The following NUP98 variants were observed in gnomAD, a reference collection of about 807,000 sequenced individuals.
The protein encoded by NUP98 is nucleoporin 98 and 96 precursor.
A neutral mutation model predicts 191.9 loss-of-function variants in NUP98; 26 were observed. The observed-to-expected ratio is 0.14, with a 90% CI of 0.10 to 0.19. The LOEUF (loss-of-function observed/expected upper bound fraction) is 0.19. Ranked by LOEUF, NUP98 falls within the 10% of genes least tolerant of loss-of-function variation. The pLI is 1.00. For missense variants in NUP98, 1,941 were observed against 2,178.8 expected, an observed-to-expected ratio of 0.89 and a Z score of 2.17; for synonymous variants, 808 against 778.4, an observed-to-expected ratio of 1.04 and a Z score of -0.63.
At chr11:3,694,744 G>GA (rs746185283) in intron 26 of NUP98, among the ~76,000 whole-genome samples, 4,114 of 122,860 alleles carry the variant, frequency 0.033, 212 homozygotes, top group African/African-American at 0.11. Context: ...TGTCTCAAGA[G>GA]AAAAAAAAAA....
In NUP98 at chr11:3,678,282, G is replaced by A. The variant is rs1255434712; in HGVS notation, c.5073+1272C>T. 4.0e-5 allele frequency among the ~76,000 whole-genome samples: 5 copies of A among 125,554 alleles called. No individual in the cohort carries two copies. In the South Asian group the frequency reaches 6.8e-4, roughly 17 times the overall value. 82.4% of individuals were successfully genotyped at this position (125,554 alleles called of 152,430 possible). On this transcript the variant is annotated intron_variant, in intron 31 of 32. Coordinates refer to ENST00000324932, the MANE Select transcript of NUP98 (RefSeq NM_016320.5). ...CCCCACCCACCTTTTTCTTTCAGACGAGAGAGGTAGTTAACTTGCTCAAGA... is the reference window on the plus strand; with the variant it reads ...CCCCACCCACCTTTTTCTTTCAGACAAGAGAGGTAGTTAACTTGCTCAAGA...
At chr11:3,720,281 T>C (rs938578816) in intron 17 of NUP98, among the ~76,000 whole-genome samples, 5 of 152,208 alleles carry the variant, frequency 3.3e-5, no homozygotes, top group Admixed American at 6.5e-5. Context: ...GTGTTATACA[T>C]CTCTTGCCTA....
intron 14 of NUP98, 62 bp downstream of exon 14, chr11:3,731,329 A>G: frequency 1.0e-5 from 11 of 1,068,348 alleles, no homozygotes; most frequent in Non-Finnish European, 1.4e-5. Context: ...ATTGTATATT[A>G]TTTCATATTT....
At position 3,782,028 on chromosome 11, in the gene NUP98, T is replaced by C; in HGVS notation, c.76+14A>G. 1 of 1,601,784 alleles carries C rather than the reference T, an allele frequency of 6.2e-7. No individual in the cohort carries two copies. The highest frequency in any genetic ancestry group is 1.7e-5 in the Admixed American group (1 of 59,126). On this transcript the variant is annotated intron_variant, in intron 2 of 32. Transcript: ENST00000324932. Reference sequence around the variant, plus strand: ...TTAAGGTTTCTCCCTCTTTTGTCCTTTTTAAAAACTTACTCTGTCCAAATG... The same window carrying C: ...TTAAGGTTTCTCCCTCTTTTGTCCTCTTTAAAAACTTACTCTGTCCAAATG...
rs1233209884 is a variant in NUP98 at position 3,695,540 on chromosome 11, G to C, written c.4076C>G (p.Thr1359Ser). 2.5e-6 allele frequency: 4 copies of C among 1,611,190 alleles called. No homozygotes were observed. The highest frequency in any genetic ancestry group is 2.2e-5 in the East Asian group (1 of 44,700). Residue 1359 changes from threonine to serine, a missense_variant, in exon 26 of 33, where the codon ACC (threonine) becomes AGC (serine). This residue lies in a region of NUP98 where 1,030 missense variants were observed against 1,115.8 expected (regional missense o/e 0.92). Coordinates refer to ENST00000324932, the MANE Select transcript of NUP98 (RefSeq NM_016320.5). ...CTGATGCCAGTCCACCAACTGCATG[G>C]TGAGCAGCTCCCGGACTGACTGGCT... The part of the protein sequence containing the change: ...VGSQSVRELL[T>S]MQLVDWHQLQ...
rs2079850802 is a variant in NUP98 at position 3,731,481 on chromosome 11, G to C, written c.1640C>G (p.Ala547Gly). 1 of 1,609,644 alleles carries C rather than the reference G, an allele frequency of 6.2e-7. No individual in the cohort carries two copies. The highest frequency in any genetic ancestry group is 8.5e-7 in the Non-Finnish European group (1 of 1,177,774). The change falls in exon 14 of 33, where the codon GCT becomes GGT. Residue 547 changes from alanine (A) to glycine (G), a missense_variant. Transcript: ENST00000324932. Reference protein sequence around the residue: ...PRPATRVRPKALQTTGTAKSH... With the variant: ...PRPATRVRPKGLQTTGTAKSH... ...CTTGGCTGTGCCTGTTGTTTGTAAA[G>C]CCTTTGGCCGGACTCTAGTGGCAGG...
At chr11:3,740,740 T>G (rs2080252060) in intron 12 of NUP98, among the ~76,000 whole-genome samples, 1 of 151,872 alleles carries the variant, frequency 6.6e-6, no homozygotes, top group South Asian at 2.1e-4. Context: ...TTACTTACTC[T>G]AAAGTAAAAC....
intron 24 of NUP98, 78 bp from the exon 25 acceptor site, chr11:3,699,426 A>C: frequency 6.8e-7 from 1 of 1,478,422 alleles, no homozygotes; most frequent in South Asian, 1.2e-5. Context: ...TCTAACTGTG[A>C]TGTTAAAAAT....
In NUP98 at chr11:3,700,914, A is replaced by G. The variant is rs571882219; in HGVS notation, c.3513-75T>C. Reference sequence around the variant, plus strand: ...CTAGGATTTTTACTTCAACCAAACCACTGTTTCTTTTTATGATTACAAACG... The same window carrying G: ...CTAGGATTTTTACTTCAACCAAACCGCTGTTTCTTTTTATGATTACAAACG... On this transcript the variant is annotated intron_variant, in intron 23 of 32. Coordinates refer to ENST00000324932, the MANE Select transcript of NUP98 (RefSeq NM_016320.5). 51 of 964,586 alleles carry G rather than the reference A, an allele frequency of 5.3e-5. No individual in the cohort carries two copies. The South Asian group carries it at 8.1e-4, about 15-fold the overall frequency. The allele number at this position is 964,586 out of a possible 1,614,324, so 59.8% of individuals were successfully genotyped here. A position where few individuals can be genotyped will look rare whatever the true frequency, so the allele number is the denominator to read the frequency against.
At chr11:3,702,008 A>AG (rs751132862) in intron 23 of NUP98, among the ~76,000 whole-genome samples, 10 of 150,730 alleles carry the variant, frequency 6.6e-5, no homozygotes, top group East Asian at 4.1e-4. Context: ...AATGAAGGAT[A>AG]GGCTGGGCAA....
chr11:3,693,405 A>G (rs370982594), intron 26 of NUP98, 30 bp from the exon 27 acceptor site: 10 of 1,612,112 alleles, frequency 6.2e-6, no homozygotes, highest in Non-Finnish European at 8.5e-6. Flanking sequence ...CACCATGGCT[A>G]TATTCTACCT....
At chr11:3,677,155 G>T (rs1262636224) in intron 31 of NUP98, among the ~76,000 whole-genome samples, 1 of 152,200 alleles carries the variant, frequency 6.6e-6, no homozygotes, top group African/African-American at 2.4e-5. Flanking sequence ...AAGCCATGTA[G>T]ATAATTTAAA....
At chr11:3,704,958 C>T (rs994236865) in intron 22 of NUP98, among the ~76,000 whole-genome samples, 3 of 152,196 alleles carry the variant, frequency 2.0e-5, no homozygotes, top group Non-Finnish European at 2.9e-5. Flanking sequence ...GTAGTAAGTG[C>T]GACTGCATAA....
chr11:3,761,138 C>T (rs2081152576), intron 9 of NUP98, among the ~76,000 whole-genome samples: 1 of 152,118 alleles, frequency 6.6e-6, no homozygotes, highest in Non-Finnish European at 1.5e-5. Flanking sequence ...AGAAAGTAGG[C>T]TTAAGATGAT....
At chr11:3,775,839 T>C (rs780249324) in intron 5 of NUP98, 43 bp downstream of exon 5, 28 of 1,585,826 alleles carry the variant, frequency 1.8e-5, no homozygotes, top group Non-Finnish European at 1.3e-5. Context: ...GAAATATACA[T>C]GCGGGAAAAA....
At chr11:3,743,722 CA>C (rs1211151468) in intron 12 of NUP98, among the ~76,000 whole-genome samples, 1 of 150,608 alleles carries the variant, frequency 6.6e-6, no homozygotes, top group African/African-American at 2.4e-5. Flanking sequence ...TGGACCCTGG[CA>C]AAGTCTGGAA....
intron 22 of NUP98, among the ~76,000 whole-genome samples, chr11:3,703,867 T>C (rs921259600): frequency 2.6e-5 from 4 of 152,186 alleles, no homozygotes; most frequent in Non-Finnish European, 5.9e-5. Context: ...TAGCTAGCTA[T>C]TATAGGGATG....
intron 20 of NUP98, among the ~76,000 whole-genome samples, chr11:3,707,985 C>T (rs2078913927): frequency 6.6e-6 from 1 of 151,996 alleles, no homozygotes; most frequent in Non-Finnish European, 1.5e-5. Context: ...CCTGTACTCC[C>T]AGTTACTTAG....
rs201584660 is a variant in NUP98 at position 3,719,395 on chromosome 11, T to A, written c.2399+17A>T. 6.4e-7 allele frequency: 1 copy of A among 1,564,554 alleles called. No individual in the cohort carries two copies. The highest frequency in any genetic ancestry group is 2.3e-5 in the East Asian group (1 of 42,732). ...GTGATTTAGCTGATAATTTTCTGTATGTACATAAACTCTTACCTATTTAGC... is the reference window on the plus strand; with the variant it reads ...GTGATTTAGCTGATAATTTTCTGTAAGTACATAAACTCTTACCTATTTAGC... On this transcript the variant is annotated intron_variant, in intron 18 of 32. Coordinates refer to ENST00000324932, the MANE Select transcript of NUP98 (RefSeq NM_016320.5).
Sources: gnomAD v4.1 joint callset for allele counts (sites outside exome capture counted in the v4.1 genomes callset) on GRCh38, gnomAD v4.1.1 for gene constraint, gnomAD v4.1.1 regional missense constraint, MANE v1.5 for transcripts, NCBI Gene and HGNC (gene_info 2026-07-23, HGNC 2026-07-21) for gene names.